The following ACSL1 variants were observed in gnomAD, a reference collection of about 807,000 sequenced individuals.
The protein encoded by ACSL1 is long-chain-fatty-acid--CoA ligase 1.
Under a neutral mutation model 98.4 loss-of-function variants are expected in ACSL1, and 41 were observed. That is an observed-to-expected ratio of 0.42 (90% CI 0.32 to 0.54). ACSL1 has a LOEUF of 0.54. Among genes scored for constraint, ACSL1 ranks in the 20% least tolerant of loss-of-function variants. The probability of loss-of-function intolerance (pLI) is 0.13; values close to 1 mark genes in which losing one functional copy is unlikely to be tolerated. For missense variants in ACSL1, 734 were observed against 883.1 expected (o/e 0.83, Z 2.14); for synonymous variants, 316 against 322.7 (o/e 0.98, Z 0.22).
intron 12 of ACSL1, 129 bp downstream of exon 12, chr4:184,768,185 AAC>A (rs1341670156): frequency 1.0e-6 from 1 of 980,542 alleles, no homozygotes; most frequent in Non-Finnish European, 1.5e-6. Flanking sequence ...CAGATGAGTA[AAC>A]TGAAGTTCTG....
At chr4:184,807,002 C>A (rs534568223) in intron 1 of ACSL1, among the ~76,000 whole-genome samples, 40 of 152,326 alleles carry the variant, frequency 2.6e-4, no homozygotes, top group Admixed American at 3.9e-4. Flanking sequence ...CATTATAAAT[C>A]TTTTCCCTTC....
chr4:184,812,572 GCT>G lies in ACSL1; in HGVS notation c.-32-9028_-32-9027del, dbSNP rs555136029. Among the ~76,000 whole-genome samples, 606 of 152,174 alleles carry G rather than the reference GCT, an allele frequency of 4.0e-3. 7 individuals carry two copies. Among genetic ancestry groups the G allele is most frequent in the African/African-American group, 0.014 (580 of 41,522 alleles). On this transcript the variant is annotated intron_variant, in intron 1 of 20. Coordinates refer to ENST00000281455, the MANE Select transcript of ACSL1 (RefSeq NM_001995.5). ...AAAGGGGACATAAAAATATTCTCTTGCTCTTATTTTGATCATGTTTTATATTT... is the reference window on the plus strand; with the variant it reads ...AAAGGGGACATAAAAATATTCTCTTGCTTATTTTGATCATGTTTTATATTT...
chr4:184,798,795 G>C (rs1399456139), intron 2 of ACSL1: 2 of 152,340 alleles, frequency 1.3e-5, no homozygotes, highest in Admixed American at 1.3e-4. Flanking sequence ...GTAGCCTGCA[G>C]AGCATCTCAG....
chr4:184,760,842 G>C (rs974103124), intron 17 of ACSL1, among the ~76,000 whole-genome samples: 1 of 152,172 alleles, frequency 6.6e-6, no homozygotes, highest in Admixed American at 6.5e-5. Flanking sequence ...TACACATCTG[G>C]CTCACCAAGT....
chr4:184,804,255 T>C lies in ACSL1; in HGVS notation c.-32-709A>G, dbSNP rs9884883. On this transcript the variant is annotated intron_variant, in intron 1 of 20. Transcript: ENST00000281455. The stretch of plus-strand genomic sequence containing the variant: ...TATCTAAAGAGGGAATACAGCACAG[T>C]GTTGGAAAGAAAGTACAGAATAGTA... Among the ~76,000 whole-genome samples the C allele has an allele frequency of 2.0e-3, 304 of 152,206 alleles. 1 individual carries two copies. The highest frequency in any genetic ancestry group is 6.8e-3 in the Middle Eastern group (2 of 294).
chr4:184,821,546 T>A (rs557385586), intron 1 of ACSL1, among the ~76,000 whole-genome samples: 1 of 152,346 alleles, frequency 6.6e-6, no homozygotes, highest in Non-Finnish European at 1.5e-5. Flanking sequence ...CTAGAATACA[T>A]GAACCCAAAA....
At position 184,825,465 on chromosome 4, in the gene ACSL1, C is replaced by G. The variant is rs1224807350; in HGVS notation, c.-33+451G>C. 6.6e-6 allele frequency among the ~76,000 whole-genome samples: 1 copy of G among 151,948 alleles called. No homozygotes were observed. Among genetic ancestry groups the G allele is most frequent in the Non-Finnish European group, 1.5e-5 (1 of 67,924 alleles). The stretch of plus-strand genomic sequence containing the variant: ...GGCGCGAGTGCAGTCTCGCCCCACG[C>G]GCGGTCCGAACGCCCGCGAGCCCGG... On this transcript the variant is annotated intron_variant, in intron 1 of 20. Transcript: ENST00000281455. The surrounding 1 kb of genome is among the most constrained non-coding windows in gnomAD (Gnocchi z 4.7).
rs1452106406 is a variant in ACSL1, at chr4:184,766,979, C to T, written c.1129-223G>A. On this transcript the variant is annotated intron_variant, in intron 12 of 20. Coordinates refer to ENST00000281455, the MANE Select transcript of ACSL1 (RefSeq NM_001995.5). The surrounding 1 kb of genome is among the most constrained non-coding windows in gnomAD (Gnocchi z 4.8). ...CAATGGACACATACATCCCCAAATG[C>T]CCATCGAGTAGGAATGTGTAGGCCA... 6.6e-6 allele frequency among the ~76,000 whole-genome samples: 1 copy of T among 152,146 alleles called. No homozygotes were observed. The highest frequency in any genetic ancestry group is 1.5e-5 in the Non-Finnish European group (1 of 68,018).
intron 1 of ACSL1, among the ~76,000 whole-genome samples, chr4:184,811,147 C>T (rs545196182): frequency 9.9e-5 from 15 of 151,832 alleles, no homozygotes; most frequent in East Asian, 1.9e-4. Context: ...CTCACTTTGT[C>T]GCCCAGGCTG....
At chr4:184,767,108 C>G (rs1019690281) in intron 12 of ACSL1, among the ~76,000 whole-genome samples, 1 of 151,834 alleles carries the variant, frequency 6.6e-6, no homozygotes, top group African/African-American at 2.4e-5. Flanking sequence ...ATGGTAAGAC[C>G]CCATCTCTAC....
chr4:184,786,306 C>T (rs1464160309), intron 3 of ACSL1, among the ~76,000 whole-genome samples: 3 of 152,178 alleles, frequency 2.0e-5, no homozygotes, highest in Non-Finnish European at 4.4e-5. Flanking sequence ...TATCAATTAG[C>T]CTATGGGAAA....
In ACSL1 at chr4:184,766,250, G is replaced by A. The variant is rs1416640198; in HGVS notation, c.1264-264C>T. Among the ~76,000 whole-genome samples the A allele has an allele frequency of 6.6e-6, 1 of 152,194 alleles. No individual in the cohort carries two copies. The highest frequency in any genetic ancestry group is 2.4e-5 in the African/African-American group (1 of 41,450). ...TATTTCAGGGAATTAGAACACAACT[G>A]GGCAGATCTGTGGCAACTACCACAA... is the stretch of plus-strand genomic sequence containing the variant. On this transcript the variant is annotated intron_variant, in intron 13 of 20. Transcript: ENST00000281455. This position sits in a 1 kb window ranked among gnomAD's most constrained non-coding sequence, Gnocchi z 4.8.
rs113114146 is a variant in ACSL1, at chr4:184,773,723, T to TA, written c.790-10dup. The TA allele has an allele frequency of 0.037, 48,810 of 1,332,818 alleles. 860 individuals carry two copies. The highest frequency in any genetic ancestry group is 0.21 in the African/African-American group (14,112 of 65,962). 82.6% of individuals were successfully genotyped at this position (1,332,818 alleles called of 1,614,324 possible). Reference sequence around the variant, plus strand: ...TCTTCAGGTGCTGGAGGCTAAAGATTAAAAAAAAAAAAAGCTGGTATAAAT... The same window carrying TA: ...TCTTCAGGTGCTGGAGGCTAAAGATTAAAAAAAAAAAAAAGCTGGTATAAAT... On this transcript the variant is annotated splice_polypyrimidine_tract_variant and intron_variant, in intron 8 of 20. Transcript: ENST00000281455. The surrounding 1 kb of genome is among the most constrained non-coding windows in gnomAD (Gnocchi z 4.3).
At chr4:184,817,484 T>C (rs543073794) in intron 1 of ACSL1, among the ~76,000 whole-genome samples, 1 of 152,248 alleles carries the variant, frequency 6.6e-6, no homozygotes, top group East Asian at 1.9e-4. Flanking sequence ...CTATGGGGCA[T>C]ACACCCCACT....
At chr4:184,791,636 G>A (rs1407831266) in intron 2 of ACSL1, among the ~76,000 whole-genome samples, 1 of 152,154 alleles carries the variant, frequency 6.6e-6, no homozygotes, top group Non-Finnish European at 1.5e-5. Flanking sequence ...ATGGGCTAAT[G>A]GGTTAGAAAG....
chr4:184,793,154 G>T (rs1768699124), intron 2 of ACSL1, among the ~76,000 whole-genome samples: 1 of 148,788 alleles, frequency 6.7e-6, no homozygotes. Flanking sequence ...TATTCCTCCT[G>T]CTATAGACCT....
chr4:184,811,505 C>T (rs967911826), intron 1 of ACSL1, among the ~76,000 whole-genome samples: 1 of 152,048 alleles, frequency 6.6e-6, no homozygotes, highest in Non-Finnish European at 1.5e-5. Flanking sequence ...CATTATCCAA[C>T]CTTTAAAAAG....
At position 184,757,105 on chromosome 4, in the gene ACSL1, T is replaced by C; in HGVS notation, c.*20A>G. 6.4e-7 allele frequency: 1 copy of C among 1,558,004 alleles called. No individual in the cohort carries two copies. The highest frequency in any genetic ancestry group is 1.2e-5 in the South Asian group (1 of 86,112). On this transcript the variant is annotated 3_prime_UTR_variant, in exon 21 of 21. Coordinates refer to ENST00000281455, the MANE Select transcript of ACSL1 (RefSeq NM_001995.5). The surrounding 1 kb of genome is among the most constrained non-coding windows in gnomAD (Gnocchi z 4.5). ...GAGATTGTGGAACTGTGCCATTTCC[T>C]CTGAGCTTTCTTCTTCACACTAAAC...
At chr4:184,778,979 A>G (rs1765763011) in intron 5 of ACSL1, among the ~76,000 whole-genome samples, 1 of 152,028 alleles carries the variant, frequency 6.6e-6, no homozygotes, top group Non-Finnish European at 1.5e-5. Context: ...GGATTGAGTC[A>G]GCATGTCTTC....
Sources: gnomAD v4.1 joint callset for allele counts (sites outside exome capture counted in the v4.1 genomes callset) on GRCh38, gnomAD v4.1.1 for gene constraint, Gnocchi (gnomAD v3.1) non-coding constraint, MANE v1.5 for transcripts, NCBI Gene and HGNC (gene_info 2026-07-23, HGNC 2026-07-21) for gene names.